SIN3B: variants seen among roughly 807,000 people sequenced by gnomAD.
SIN3B encodes the protein paired amphipathic helix protein Sin3b.
In SIN3B, 19 loss-of-function variants were observed where a neutral mutation model predicts 120.2. The ratio of observed to expected loss-of-function variants is 0.16; its 90% CI spans 0.11 to 0.23. SIN3B has a LOEUF of 0.23. Ranked by LOEUF, SIN3B falls within the 10% of genes least tolerant of loss-of-function variation. The pLI is 1.00. For synonymous variants in SIN3B, 654 were observed against 653.2 expected, an observed-to-expected ratio of 1.00 and a Z score of -0.02; for missense variants, 1,073 against 1,573.0, an observed-to-expected ratio of 0.68 and a Z score of 5.38.
chr19:16,879,876 A>G lies in SIN3B; in HGVS notation c.*1149A>G, dbSNP rs1044773. ...CTGGCCCTGGCCCCTGCACACCAGT[A>G]GGCCCAGAATAACCGCCACCCTTGC... On this transcript the variant is annotated 3_prime_UTR_variant, in exon 19 of 19. Transcript: ENST00000248054. The G allele has an allele frequency of 0.64, 97,849 of 152,126 alleles. 32,294 individuals carry two copies. The highest frequency in any genetic ancestry group is 0.78 in the African/African-American group (32,233 of 41,504). The allele number at this position is 152,126 out of a possible 1,614,324, so 9.4% of individuals were successfully genotyped here. A position where few individuals can be genotyped will look rare whatever the true frequency, so the allele number is the denominator to read the frequency against.
At chr19:16,858,067 G>C (rs1366478764) in intron 8 of SIN3B, among the ~76,000 whole-genome samples, 1 of 152,066 alleles carries the variant, frequency 6.6e-6, no homozygotes, top group Non-Finnish European at 1.5e-5. Flanking sequence ...AGTAGAGACA[G>C]AGTTTCGCCA....
At chr19:16,864,837 AT>A (rs1179728493) in intron 10 of SIN3B, among the ~76,000 whole-genome samples, 1,670 of 142,128 alleles carry the variant, frequency 0.012, 27 homozygotes, top group African/African-American at 0.034. Flanking sequence ...CAAAAAAAAA[AT>A]TTTTTTTTTT....
intron 3 of SIN3B, among the ~76,000 whole-genome samples, chr19:16,835,680 C>T (rs1350054067): frequency 6.6e-6 from 1 of 151,988 alleles, no homozygotes; most frequent in Non-Finnish European, 1.5e-5. Flanking sequence ...CCACCACACC[C>T]AGCTAATTTT....
chr19:16,835,999 C>G (rs1842215999), intron 3 of SIN3B, among the ~76,000 whole-genome samples: 2 of 152,146 alleles, frequency 1.3e-5, no homozygotes, highest in African/African-American at 4.8e-5. Context: ...TTTTTCCCCC[C>G]CCAATTTTAT....
chr19:16,866,245 G>A, intron 11 of SIN3B, 128 bp from the exon 12 acceptor site: 1 of 842,016 alleles, frequency 1.2e-6, no homozygotes. Context: ...CACAGACTAG[G>A]CTGGGAGCTG....
Position 16,876,505 on chromosome 19 carries a change from A to G in SIN3B, c.2786A>G (p.Lys929Arg), listed in dbSNP as rs764899629. 10 of 1,613,214 alleles carry G rather than the reference A, an allele frequency of 6.2e-6. No individual in the cohort carries two copies. Among genetic ancestry groups the G allele is most frequent in the Non-Finnish European group, 8.5e-6 (10 of 1,179,898 alleles). ...NCFKVMFLQR[K>R]GQVIMTIELL... is the part of the protein sequence containing the mutation. ...CCGCAGGTGATGTTCCTGCAGCGCA[A>G]AGGGCAGGTGATCATGACCATCGAG... The change falls in exon 16 of 19, where the codon AAA (lysine) becomes AGA (arginine). Residue 929 changes from lysine to arginine, a missense_variant. Around this residue, in one of 7 missense-constraint regions of SIN3B, gnomAD observed 311 missense variants for 400.3 expected, o/e 0.78. Coordinates refer to ENST00000248054, the MANE Select transcript of SIN3B (RefSeq NM_001297595.2). This position sits in a 1 kb window ranked among gnomAD's most constrained non-coding sequence, Gnocchi z 7.1.
intron 10 of SIN3B, among the ~76,000 whole-genome samples, chr19:16,864,167 G>A (rs1053556009): frequency 1.7e-4 from 26 of 151,974 alleles, no homozygotes; most frequent in African/African-American, 5.1e-4. Flanking sequence ...GGTGGCGGGC[G>A]CCTGTAATCC....
chr19:16,866,691 G>A (rs1346906312), intron 12 of SIN3B, 135 bp downstream of exon 12: 2 of 808,728 alleles, frequency 2.5e-6, no homozygotes, highest in Middle Eastern at 3.0e-4. Context: ...TTGAGGCGAG[G>A]GTTCATGTCT....
At chr19:16,845,515 C>T (rs779722617) in intron 4 of SIN3B, among the ~76,000 whole-genome samples, 1 of 152,260 alleles carries the variant, frequency 6.6e-6, no homozygotes, top group African/African-American at 2.4e-5. Context: ...TCAGGTGATC[C>T]GCCTACCTTG....
rs1361897351 is a variant in SIN3B at position 16,862,058 on chromosome 19, A to G, written c.1059-294A>G. Among the ~76,000 whole-genome samples the G allele has an allele frequency of 6.6e-6, 1 of 152,218 alleles. No homozygotes were observed. Among genetic ancestry groups the G allele is most frequent in the Non-Finnish European group, 1.5e-5 (1 of 68,042 alleles). ...AACATCAGGGGTTCCAGCTTCTGCC[A>G]GTTTAAGTCATCTTTTCTGGTGTAT... On this transcript the variant is annotated intron_variant, in intron 8 of 18. Coordinates refer to ENST00000248054, the MANE Select transcript of SIN3B (RefSeq NM_001297595.2). This position sits in a 1 kb window ranked among gnomAD's most constrained non-coding sequence, Gnocchi z 4.7.
In SIN3B at chr19:16,875,649, C is replaced by CTGTT. The variant is rs1568428059; in HGVS notation, c.2593-404_2593-403insTTTG. 2.5e-3 allele frequency among the ~76,000 whole-genome samples: 329 copies of CTGTT among 130,346 alleles called. 10 individuals are homozygous for CTGTT. Among genetic ancestry groups the CTGTT allele is most frequent in the African/African-American group, 9.8e-3 (304 of 31,064 alleles). The allele number at this position is 130,346 out of a possible 152,430, so 85.5% of individuals were successfully genotyped here. On this transcript the variant is annotated intron_variant, in intron 14 of 18. Transcript: ENST00000248054. ...TCTGGTCTGGTCTGGTCTGTTTGGT[C>CTGTT]TGGTCTGGTCTGGTCTGTTTGGTCT...
Position 16,862,401 on chromosome 19 carries a change from G to C in SIN3B, c.1108G>C (p.Glu370Gln), listed in dbSNP as rs1484461995. The change falls in exon 9 of 19, where the codon GAG (glutamate) becomes CAG (glutamine). Residue 370 changes from glutamate to glutamine, a missense_variant. Transcript: ENST00000248054. The surrounding 1 kb of genome is among the most constrained non-coding windows in gnomAD (Gnocchi z 4.7). ...GTTCAAGTCCTTCCTGGGGGTAAAA[G>C]AGCTGTCCTTCGCGCCACCCATGAG... ...AQFKSFLGVKELSFAPPMSDR... is the reference protein window; with the variant it reads ...AQFKSFLGVKQLSFAPPMSDR... 2.5e-6 allele frequency: 4 copies of C among 1,614,080 alleles called. No homozygotes were observed. The highest frequency in any genetic ancestry group is 2.5e-6 in the Non-Finnish European group (3 of 1,180,042).
intron 14 of SIN3B, among the ~76,000 whole-genome samples, chr19:16,875,515 CTGTT>C (rs2051585007): frequency 1.6e-5 from 2 of 121,388 alleles, no homozygotes; most frequent in Non-Finnish European, 3.3e-5. Context: ...CTGGTCTGGT[CTGTT>C]TGGTCTGGTC....
At position 16,829,468 on chromosome 19, in the gene SIN3B, C is replaced by G. The variant is rs1482255448; in HGVS notation, c.48C>G (p.Pro16=). 6.6e-6 allele frequency: 8 copies of G among 1,217,462 alleles called. No homozygotes were observed. The highest frequency in any genetic ancestry group is 8.2e-6 in the Non-Finnish European group (8 of 978,660). 75.4% of individuals were successfully genotyped at this position (1,217,462 alleles called of 1,614,324 possible). ...GCGGTGGCAGCGGTGCCGGCGGCCC[C>G]GCGGGCCGGGGGCTGAGCGGCGCCC... ...GGSGGSGAGG[P]AGRGLSGARW... Residue 16 remains proline (P), a synonymous_variant, in exon 1 of 19, where the codon CCC becomes CCG. Coordinates refer to ENST00000248054, the MANE Select transcript of SIN3B (RefSeq NM_001297595.2).
chr19:16,849,521 A>G (rs1279004935), intron 5 of SIN3B, among the ~76,000 whole-genome samples: 2 of 152,218 alleles, frequency 1.3e-5, no homozygotes, highest in Non-Finnish European at 2.9e-5. Flanking sequence ...CTGATAAAAA[A>G]TTTTATTTAT....
chr19:16,877,635 C>A lies in SIN3B; in HGVS notation c.2950C>A (p.Gln984Lys). 1 of 1,606,318 alleles carries A rather than the reference C, an allele frequency of 6.2e-7. No homozygotes were observed. The highest frequency in any genetic ancestry group is 1.1e-5 in the South Asian group (1 of 89,506). ...EGFLLKPVFLQRNLKKFRRRW... is the reference protein window; with the variant it reads ...EGFLLKPVFLKRNLKKFRRRW... ...CTTCCTCCTGAAACCTGTGTTCCTG[C>A]AGAGGTAAGAGGCCCTGAGATGCAT... The change falls in exon 17 of 19, where the codon CAG becomes AAG. Residue 984 changes from glutamine to lysine, a missense_variant. This residue lies in a region of SIN3B where 311 missense variants were observed against 400.3 expected (regional missense o/e 0.78). Coordinates refer to ENST00000248054, the MANE Select transcript of SIN3B (RefSeq NM_001297595.2).
chr19:16,844,087 A>C (rs573966691), intron 4 of SIN3B: 3 of 152,334 alleles, frequency 2.0e-5, no homozygotes, highest in African/African-American at 7.2e-5. Flanking sequence ...CAAGTGATCC[A>C]CCCACCTCAG....
rs1427079271 is a variant in SIN3B at position 16,879,267 on chromosome 19, C to T, written c.*540C>T. ...GCATCAGCTCTGCCTGGCTGGTGTT[C>T]AGGCCCTCAGTCACTTTGGAAGTGA... is the stretch of plus-strand genomic sequence containing the variant. On this transcript the variant is annotated 3_prime_UTR_variant, in exon 19 of 19. Transcript: ENST00000248054. 6.5e-6 allele frequency: 1 copy of T among 154,924 alleles called. No homozygotes were observed. The highest frequency in any genetic ancestry group is 1.4e-5 in the Non-Finnish European group (1 of 69,976). The allele number at this position is 154,924 out of a possible 1,614,324, so 9.6% of individuals were successfully genotyped here. A position where few individuals can be genotyped will look rare whatever the true frequency, so the allele number is the denominator to read the frequency against.
Position 16,837,970 on chromosome 19 carries a change from C to T in SIN3B, c.382-3798C>T, listed in dbSNP as rs558582782. ...TGTGTGGATGCTCAGATGGACGTGT[C>T]GGCCACGCAGGATGGTTGTCATGGT... On this transcript the variant is annotated intron_variant, in intron 3 of 18. Transcript: ENST00000248054. Among the ~76,000 whole-genome samples, 15 of 151,970 alleles carry T rather than the reference C, an allele frequency of 9.9e-5. No homozygotes were observed. The East Asian group carries it at 1.6e-3, about 16-fold the overall frequency.
Sources: gnomAD v4.1 joint callset for allele counts (sites outside exome capture counted in the v4.1 genomes callset) on GRCh38, gnomAD v4.1.1 for gene constraint, gnomAD v4.1.1 regional missense constraint, Gnocchi (gnomAD v3.1) non-coding constraint, MANE v1.5 for transcripts, NCBI Gene and HGNC (gene_info 2026-07-23, HGNC 2026-07-21) for gene names.